Variants in ERCC3 observed in about 807,000 individuals in gnomAD.
The protein encoded by ERCC3 is general transcription and DNA repair factor IIH helicase/translocase subunit XPB.
In ERCC3, 66 loss-of-function variants were observed where a neutral mutation model predicts 94.2. The observed-to-expected ratio is 0.70, with a 90% confidence interval of 0.57 to 0.86. The LOEUF is 0.86. Among genes scored for constraint, ERCC3 ranks in the 40% least tolerant of loss-of-function variants. The pLI, the probability that ERCC3 is intolerant of heterozygous loss-of-function variation, is 0.00. For synonymous variants in ERCC3, 349 were observed against 369.1 expected (o/e 0.95, Z 0.63); for missense variants, 829 against 987.1 (o/e 0.84, Z 2.15).
intron 4 of ERCC3, 158 bp from the exon 5 acceptor site, chr2:127,289,982 A>T: frequency 3.2e-6 from 3 of 935,558 alleles, no homozygotes; most frequent in Non-Finnish European, 5.0e-6. Flanking sequence ...ATGATTTAAC[A>T]TATGAGGGTT....
In ERCC3 at chr2:127,292,820, T is replaced by C. The variant is rs765844044; in HGVS notation, c.261A>G (p.Glu87=). ...CATATTTGTAAACTGGAGAGAAGGC[T>C]TCCAAGAAGATATGGCCATCGGGAG... ...WVAPDGHIFL[E]AFSPVYKYAQ... The change falls in exon 3 of 15, where the codon GAA becomes GAG. Residue 87 remains glutamate, a synonymous_variant. Coordinates refer to ENST00000285398, the MANE Select transcript of ERCC3 (RefSeq NM_000122.2). 5.6e-6 allele frequency: 9 copies of C among 1,612,986 alleles called. No homozygotes were observed. The Admixed American group carries it at 1.3e-4, about 24-fold the overall frequency.
intron 10 of ERCC3, among the ~76,000 whole-genome samples, 172 bp from the exon 11 acceptor site, chr2:127,273,133 T>C (rs1387009379): frequency 6.6e-6 from 1 of 152,200 alleles, no homozygotes; most frequent in South Asian, 2.1e-4. Context: ...CCTCCCAGCC[T>C]TCCCCACTGA....
Position 127,257,545 on chromosome 2 carries a change from T to C in ERCC3, c.*51A>G. 6.2e-7 allele frequency: 1 copy of C among 1,610,688 alleles called. No individual in the cohort carries two copies. Among genetic ancestry groups the C allele is most frequent in the South Asian group, 1.1e-5 (1 of 90,940 alleles). ...GAAAATGTTATGCTGAAAATCCCTT[T>C]CCAACAAGGGTGCCAAGCGCCGGTC... On this transcript the variant is annotated 3_prime_UTR_variant, in exon 15 of 15. Transcript: ENST00000285398. This position sits in a 1 kb window ranked among gnomAD's most constrained non-coding sequence, Gnocchi z 5.4.
In ERCC3 at chr2:127,274,696, A is replaced by G. The variant is rs1684678940; in HGVS notation, c.1731-1735T>C. Among the ~76,000 whole-genome samples, 1 of 152,188 alleles carries G rather than the reference A, an allele frequency of 6.6e-6. No homozygotes were observed. Among genetic ancestry groups the G allele is most frequent in the African/African-American group, 2.4e-5 (1 of 41,448 alleles). ...CATGTCATGCAGTGAAAAAGGTTAG[A>G]AGCCCCACTCGTCAGAACAGCCTGA... On this transcript the variant is annotated intron_variant, in intron 10 of 14. Coordinates refer to ENST00000285398, the MANE Select transcript of ERCC3 (RefSeq NM_000122.2). This position sits in a 1 kb window ranked among gnomAD's most constrained non-coding sequence, Gnocchi z 4.0.
intron 13 of ERCC3, 122 bp downstream of exon 13, chr2:127,261,106 A>G: frequency 2.7e-6 from 2 of 749,420 alleles, no homozygotes; most frequent in Non-Finnish European, 5.0e-6. Flanking sequence ...AGTTTGAGGC[A>G]AGGCCTCTAA....
At position 127,259,844 on chromosome 2, in the gene ERCC3, C is replaced by T. The variant is rs943590932; in HGVS notation, c.2065-396G>A. Reference sequence around the variant, plus strand: ...ACAGGCTGTGGCCCTTTGTGAAGGTCCCTGGCATCTGCTGTGCTCCGCAAC... The same window carrying T: ...ACAGGCTGTGGCCCTTTGTGAAGGTTCCTGGCATCTGCTGTGCTCCGCAAC... On this transcript the variant is annotated intron_variant, in intron 13 of 14. Coordinates refer to ENST00000285398, the MANE Select transcript of ERCC3 (RefSeq NM_000122.2). This position sits in a 1 kb window ranked among gnomAD's most constrained non-coding sequence, Gnocchi z 4.9. 6.2e-6 allele frequency: 2 copies of T among 324,882 alleles called. No homozygotes were observed. Among genetic ancestry groups the T allele is most frequent in the African/African-American group, 2.1e-5 (1 of 46,560 alleles). The allele number at this position is 324,882 out of a possible 1,614,324, so 20.1% of individuals were successfully genotyped here. A position where few individuals can be genotyped will look rare whatever the true frequency, so the allele number is the denominator to read the frequency against.
chr2:127,289,610 T>C (rs1685197019), intron 5 of ERCC3, 79 bp downstream of exon 5: 1 of 1,606,418 alleles, frequency 6.2e-7, no homozygotes, highest in Admixed American at 1.7e-5. Flanking sequence ...AGGTTGTAAG[T>C]GCTGGGTTAA....
chr2:127,261,120 C>T lies in ERCC3; in HGVS notation c.2064+108G>A, dbSNP rs1573927741. The T allele has an allele frequency of 3.9e-6, 3 of 772,742 alleles. No homozygotes were observed. The East Asian group carries it at 7.4e-5, about 19-fold the overall frequency. 47.9% of individuals were successfully genotyped at this position (772,742 alleles called of 1,614,324 possible). On this transcript the variant is annotated intron_variant, in intron 13 of 14. Coordinates refer to ENST00000285398, the MANE Select transcript of ERCC3 (RefSeq NM_000122.2). Reference sequence around the variant, plus strand: ...GAGTTTGAGGCAAGGCCTCTAATCTCCTAATGCTTGGTGCCTGCCTGCTGA... The same window carrying T: ...GAGTTTGAGGCAAGGCCTCTAATCTTCTAATGCTTGGTGCCTGCCTGCTGA...
chr2:127,288,872 G>A lies in ERCC3; in HGVS notation c.823-8C>T, dbSNP rs1055179755. 7 of 1,610,582 alleles carry A rather than the reference G, an allele frequency of 4.3e-6. No individual in the cohort carries two copies. Among genetic ancestry groups the A allele is most frequent in the Middle Eastern group, 1.8e-4 (1 of 5,582 alleles). ...GAGTTCCTCAATCATTTCCTGGAAA[G>A]AGGGCACAAAAGGGGTTTTAAAATC... On this transcript the variant is annotated splice_polypyrimidine_tract_variant and splice_region_variant and intron_variant, in intron 6 of 14. Coordinates refer to ENST00000285398, the MANE Select transcript of ERCC3 (RefSeq NM_000122.2).
intron 12 of ERCC3, among the ~76,000 whole-genome samples, chr2:127,266,479 G>C (rs560334350): frequency 6.6e-6 from 1 of 151,322 alleles, no homozygotes. Context: ...GAGACTACAG[G>C]CAACTGCCAC....
chr2:127,273,216 T>C (rs1035356875), intron 10 of ERCC3, among the ~76,000 whole-genome samples: 7 of 152,166 alleles, frequency 4.6e-5, no homozygotes, highest in Admixed American at 3.9e-4. Context: ...TGGACTATGC[T>C]TTTTCCTGCT....
At chr2:127,270,309 G>A (rs1298320887) in intron 12 of ERCC3, among the ~76,000 whole-genome samples, 1 of 152,164 alleles carries the variant, frequency 6.6e-6, no homozygotes, top group Non-Finnish European at 1.5e-5. Context: ...ATAGGTGTAA[G>A]CCACTGTGCC....
At chr2:127,273,210 C>T in intron 10 of ERCC3, among the ~76,000 whole-genome samples, 1 of 152,142 alleles carries the variant, frequency 6.6e-6, no homozygotes, top group East Asian at 1.9e-4. Flanking sequence ...TCTTTTTGGA[C>T]TATGCTTTTT....
chr2:127,279,376 C>T lies in ERCC3; in HGVS notation c.1528-1G>A. ...ATTCAGGAGACATAGGGCACCAGAC[C>T]TGTAATACAGTAAGAACCAGGGGTC... On this transcript the variant is annotated splice_acceptor_variant, in intron 9 of 14. Coordinates refer to ENST00000285398, the MANE Select transcript of ERCC3 (RefSeq NM_000122.2). LOFTEE classifies it high-confidence loss of function. This position sits in a 1 kb window ranked among gnomAD's most constrained non-coding sequence, Gnocchi z 4.7. 6.2e-7 allele frequency: 1 copy of T among 1,609,944 alleles called. No individual in the cohort carries two copies. Among genetic ancestry groups the T allele is most frequent in the African/African-American group, 1.3e-5 (1 of 74,940 alleles).
rs1182994579 is a variant in ERCC3 at position 127,291,968 on chromosome 2, T to C, written c.471+642A>G. The C allele has an allele frequency of 6.1e-6, 1 of 162,972 alleles. No individual in the cohort carries two copies. Among genetic ancestry groups the C allele is most frequent in the Non-Finnish European group, 1.4e-5 (1 of 73,498 alleles). The allele number at this position is 162,972 out of a possible 1,614,324, so 10.1% of individuals were successfully genotyped here. ...AATTCCAGACTGGGTGGCTTCAACA[T>C]TAGAACTGTATTTTCTCAGAGCTGT... On this transcript the variant is annotated intron_variant, in intron 3 of 14. Transcript: ENST00000285398. This position sits in a 1 kb window ranked among gnomAD's most constrained non-coding sequence, Gnocchi z 4.9.
At chr2:127,285,296 A>C (rs566757896) in intron 8 of ERCC3, among the ~76,000 whole-genome samples, 91 of 152,332 alleles carry the variant, frequency 6.0e-4, no homozygotes, top group African/African-American at 2.2e-3. Flanking sequence ...GCAGTGGCTC[A>C]CGTCTATAAT....
In ERCC3 at chr2:127,274,351, C is replaced by T. The variant is rs933003202; in HGVS notation, c.1731-1390G>A. On this transcript the variant is annotated intron_variant, in intron 10 of 14. Transcript: ENST00000285398. This position sits in a 1 kb window ranked among gnomAD's most constrained non-coding sequence, Gnocchi z 4.0. ...AAAAAGAAAAAGAAAAGAAAAAAAT[C>T]CAGCCAGCCCTGCCAAGATTCCTCA... 5.3e-5 allele frequency among the ~76,000 whole-genome samples: 8 copies of T among 151,926 alleles called. No individual in the cohort carries two copies. The highest frequency in any genetic ancestry group is 1.4e-4 in the African/African-American group (6 of 41,392).
rs560209001 is a variant in ERCC3 at position 127,294,131 on chromosome 2, G to A, written c.-50C>T. 15 of 1,593,466 alleles carry A rather than the reference G, an allele frequency of 9.4e-6. 2 individuals carry two copies. The South Asian group carries it at 1.4e-4, about 15-fold the overall frequency. On this transcript the variant is annotated 5_prime_UTR_variant, in exon 1 of 15. Transcript: ENST00000285398. ...ATGACCCCGCTCCCACAGGCCCGCCGCGGCATCCGCTCTGGGGGGACTTCC... is the reference window on the plus strand; with the variant it reads ...ATGACCCCGCTCCCACAGGCCCGCCACGGCATCCGCTCTGGGGGGACTTCC...
In ERCC3 at chr2:127,279,360, A is replaced by G. The variant is rs974005418; in HGVS notation, c.1543T>C (p.Ser515Pro). 2 of 1,613,620 alleles carry G rather than the reference A, an allele frequency of 1.2e-6. No homozygotes were observed. Among genetic ancestry groups the G allele is most frequent in the African/African-American group, 2.7e-5 (2 of 75,022 alleles). ...ACATATTCCCGGTAAAATTCAGGAGACATAGGGCACCAGACCTGTAATACA... is the reference window on the plus strand; with the variant it reads ...ACATATTCCCGGTAAAATTCAGGAGGCATAGGGCACCAGACCTGTAATACA... ...VQCAEVWCPM[S>P]PEFYREYVAI... The change falls in exon 10 of 15, where the codon TCT (serine) becomes CCT (proline). Residue 515 changes from serine (S) to proline (P), a missense_variant. Ser to Pro is a moderately conservative substitution (Grantham distance 74). Transcript: ENST00000285398. The surrounding 1 kb of genome is among the most constrained non-coding windows in gnomAD (Gnocchi z 4.7).
Sources: allele counts gnomAD v4.1 joint callset (sites outside exome capture counted in the v4.1 genomes callset), GRCh38; gene constraint gnomAD v4.1.1; non-coding constraint Gnocchi (gnomAD v3.1); transcripts MANE v1.5; gene names NCBI Gene and HGNC (gene_info 2026-07-23, HGNC 2026-07-21).